PLEKHG1: variants seen among roughly 807,000 people sequenced by gnomAD.
The protein encoded by PLEKHG1 is pleckstrin homology domain-containing family G member 1.
PLEKHG1 carries 44 observed loss-of-function variants against 100.8 expected under a neutral mutation model. The observed-to-expected ratio is 0.44, with a 90% CI of 0.34 to 0.56. The LOEUF (loss-of-function observed/expected upper bound fraction) is 0.56. PLEKHG1 is among the 20% of genes least tolerant of loss of function. PLEKHG1 has a pLI of 0.01. For missense variants in PLEKHG1, 1,545 were observed against 1,720.9 expected (o/e 0.90, Z 1.81); for synonymous variants, 640 against 662.5 (o/e 0.97, Z 0.52).
intron 10 of PLEKHG1, among the ~76,000 whole-genome samples, chr6:150,817,956 G>A (rs1776077346): frequency 6.6e-6 from 1 of 151,974 alleles, no homozygotes; most frequent in Admixed American, 6.6e-5. Context: ...CAGGATTGGG[G>A]GTGCAGTCTT....
At chr6:150,730,833 C>T (rs750855014) in intron 1 of PLEKHG1, among the ~76,000 whole-genome samples, 3 of 150,988 alleles carry the variant, frequency 2.0e-5, no homozygotes, top group South Asian at 4.2e-4. Context: ...ACCTGGGAGG[C>T]GGAGGTTGCA....
intron 1 of PLEKHG1, chr6:150,721,256 C>G (rs1349379145): frequency 1.3e-6 from 1 of 794,908 alleles, no homozygotes; most frequent in Admixed American, 6.2e-5. Flanking sequence ...ACGCTCCTTC[C>G]CTCTGGGAGC....
At chr6:150,726,840 T>A (rs918361536) in intron 1 of PLEKHG1, among the ~76,000 whole-genome samples, 2 of 152,190 alleles carry the variant, frequency 1.3e-5, no homozygotes, top group African/African-American at 4.8e-5. Context: ...AAAATCCATA[T>A]TGCTGTGAGG....
intron 3 of PLEKHG1, among the ~76,000 whole-genome samples, chr6:150,771,008 C>T (rs1457242920): frequency 1.3e-5 from 2 of 152,218 alleles, no homozygotes; most frequent in Non-Finnish European, 2.9e-5. Context: ...GCCACGTGCC[C>T]TCCTGCCAGA....
intron 2 of PLEKHG1, among the ~76,000 whole-genome samples, chr6:150,641,997 A>G (rs1778290415): frequency 6.7e-6 from 1 of 149,874 alleles, no homozygotes; most frequent in South Asian, 2.1e-4. Flanking sequence ...AATAAAGTAT[A>G]TTTTTACAGA....
rs570129028 is a variant in PLEKHG1 at position 150,757,960 on chromosome 6, T to G, written c.412-10678T>G. Among the ~76,000 whole-genome samples, 1,124 of 152,300 alleles carry G rather than the reference T, an allele frequency of 7.4e-3. 12 individuals are homozygous for G. Among genetic ancestry groups the G allele is most frequent in the African/African-American group, 0.026 (1,065 of 41,558 alleles). On this transcript the variant is annotated intron_variant, in intron 2 of 15. Coordinates refer to ENST00000358517, the Ensembl canonical transcript of PLEKHG1. ...AGAACATTTGCTGTTTGGTTTTCTG[T>G]CCCTGAGTTAGGTTGCTGAGGATAA...
intron 1 of PLEKHG1, among the ~76,000 whole-genome samples, chr6:150,623,525 C>T (rs1777393590): frequency 6.6e-6 from 1 of 152,232 alleles, no homozygotes; most frequent in Non-Finnish European, 1.5e-5. Context: ...AGGTCTCAAA[C>T]TCACGTATCT....
At position 150,804,175 on chromosome 6, in the gene PLEKHG1, A is replaced by ATTTTTTTT. The variant is rs1554276244; in HGVS notation, c.781-414_781-407dup. Among the ~76,000 whole-genome samples the ATTTTTTTT allele has an allele frequency of 2.3e-4, 10 of 43,168 alleles. 2 individuals carry two copies. The highest frequency in any genetic ancestry group is 4.1e-4 in the Admixed American group (1 of 2,468). 28.3% of individuals were successfully genotyped at this position (43,168 alleles called of 152,430 possible). A position where few individuals can be genotyped will look rare whatever the true frequency, so the allele number is the denominator to read the frequency against. ...ATATTTTATATATATATATATATAT[A>ATTTTTTTT]TTTTTTTTTTTTTTTTTTTTTTTTT... is the stretch of plus-strand genomic sequence containing the variant. On this transcript the variant is annotated intron_variant, in intron 6 of 15. Transcript: ENST00000358517.
At chr6:150,666,085 A>G (rs1444920087) in intron 3 of PLEKHG1, among the ~76,000 whole-genome samples, 3 of 152,210 alleles carry the variant, frequency 2.0e-5, no homozygotes, top group Non-Finnish European at 4.4e-5. Flanking sequence ...AAACAAAAGC[A>G]TAGCAACAGA....
chr6:150,826,425 T>C (rs1331378138), intron 14 of PLEKHG1, among the ~76,000 whole-genome samples: 1 of 152,192 alleles, frequency 6.6e-6, no homozygotes, highest in African/African-American at 2.4e-5. Context: ...GCCACTGTAC[T>C]TTAGCCTGGG....
chr6:150,787,122 A>G (rs1785672674), intron 4 of PLEKHG1, among the ~76,000 whole-genome samples: 1 of 152,074 alleles, frequency 6.6e-6, no homozygotes, highest in African/African-American at 2.4e-5. Flanking sequence ...AGTTTTAGTG[A>G]AAGTCCAAGA....
chr6:150,827,822 G>A, intron 14 of PLEKHG1: 3 of 1,417,004 alleles, frequency 2.1e-6, no homozygotes, highest in Non-Finnish European at 3.0e-6. Flanking sequence ...ATATGACTTT[G>A]GAAGAGCTGG....
chr6:150,838,256 T>C (rs1451340216), intron 15 of PLEKHG1, among the ~76,000 whole-genome samples: 1 of 152,210 alleles, frequency 6.6e-6, no homozygotes, highest in African/African-American at 2.4e-5. Context: ...TTCATAAAGA[T>C]TGTGTCAATA....
At chr6:150,840,697 C>T in exon 16 of PLEKHG1, 2 of 1,614,210 alleles carry the variant, frequency 1.2e-6, no homozygotes, top group South Asian at 1.1e-5. Context: ...AGCGGCAACA[C>T]ATTGCATTCT....
At chr6:150,726,311 T>C (rs182145113) in intron 1 of PLEKHG1, among the ~76,000 whole-genome samples, 2 of 152,270 alleles carry the variant, frequency 1.3e-5, no homozygotes, top group East Asian at 3.9e-4. Flanking sequence ...ATAAGAAAAC[T>C]TTTGGAGGTG....
At chr6:150,687,431 T>G (rs1780178788) in intron 3 of PLEKHG1, among the ~76,000 whole-genome samples, 2 of 152,226 alleles carry the variant, frequency 1.3e-5, no homozygotes, top group African/African-American at 4.8e-5. Context: ...TATTTTCTGT[T>G]TTGTTACTAT....
chr6:150,836,822 CA>C (rs58375227), intron 15 of PLEKHG1, among the ~76,000 whole-genome samples: 7,031 of 131,102 alleles, frequency 0.054, 201 homozygotes, highest in African/African-American at 0.084. Flanking sequence ...GACCCTGTCT[CA>C]AAAAAAAAAA....
At chr6:150,737,224 A>T (rs926341453) in intron 2 of PLEKHG1, among the ~76,000 whole-genome samples, 1 of 152,128 alleles carries the variant, frequency 6.6e-6, no homozygotes, top group Admixed American at 6.5e-5. Context: ...AATGAAAAGT[A>T]AACAATTATT....
At chr6:150,821,732 A>G (rs1319380167) in intron 13 of PLEKHG1, among the ~76,000 whole-genome samples, 1 of 152,096 alleles carries the variant, frequency 6.6e-6, no homozygotes, top group Non-Finnish European at 1.5e-5. Context: ...GTCAAATGAC[A>G]TAAAATACTT....
Sources: allele counts gnomAD v4.1 joint callset (sites outside exome capture counted in the v4.1 genomes callset), GRCh38; gene constraint gnomAD v4.1.1; transcripts MANE v1.5; gene names NCBI Gene and HGNC (gene_info 2026-07-23, HGNC 2026-07-21).